Variants in EXOC4 observed in about 807,000 individuals in gnomAD.
EXOC4 encodes SEC8-like 1.
EXOC4 carries 71 observed loss-of-function variants against 107.2 expected under a neutral mutation model. The ratio of observed to expected loss-of-function variants is 0.66; its 90% CI spans 0.55 to 0.81. The LOEUF is 0.81. EXOC4 is among the 30% of genes least tolerant of loss of function. The probability of loss-of-function intolerance (pLI) is 0.00; values close to 1 mark genes in which losing one functional copy is unlikely to be tolerated. For synonymous variants in EXOC4, 456 were observed against 441.2 expected (o/e 1.03, Z -0.42); for missense variants, 1,108 against 1,189.6 (o/e 0.93, Z 1.01).
chr7:133,895,488 C>A (rs1469275028), intron 11 of EXOC4, 111 bp from the exon 12 acceptor site: 24 of 1,103,488 alleles, frequency 2.2e-5, no homozygotes, highest in Middle Eastern at 2.1e-4. Flanking sequence ...ATGTCACATT[C>A]TTGCAGGAGA....
At chr7:133,687,341 A>C (rs978559293) in intron 10 of EXOC4, among the ~76,000 whole-genome samples, 1 of 152,078 alleles carries the variant, frequency 6.6e-6, no homozygotes. Context: ...AAATCTCCCA[A>C]ATCACCATCA....
chr7:133,730,733 A>G (rs1167018014), intron 10 of EXOC4, among the ~76,000 whole-genome samples: 4 of 152,200 alleles, frequency 2.6e-5, no homozygotes, highest in African/African-American at 4.8e-5. Flanking sequence ...TATTGAAAGA[A>G]GAGTTCAAAA....
chr7:133,841,254 G>A (rs1798019428), intron 11 of EXOC4, among the ~76,000 whole-genome samples: 1 of 152,098 alleles, frequency 6.6e-6, no homozygotes, highest in Non-Finnish European at 1.5e-5. Context: ...ACCTCCCAAA[G>A]TCCCCACCTC....
chr7:133,431,773 A>G (rs529526699), intron 7 of EXOC4, among the ~76,000 whole-genome samples: 1 of 152,182 alleles, frequency 6.6e-6, no homozygotes, highest in East Asian at 1.9e-4. Flanking sequence ...TGAAGTTGAG[A>G]ATCATTGTGC....
At chr7:133,849,079 G>C (rs1798190924) in intron 11 of EXOC4, among the ~76,000 whole-genome samples, 1 of 152,112 alleles carries the variant, frequency 6.6e-6, no homozygotes, top group Admixed American at 6.6e-5. Context: ...ATGTACAGTA[G>C]CACACCATTA....
At chr7:133,979,681 G>T (rs979648611) in intron 14 of EXOC4, among the ~76,000 whole-genome samples, 1 of 151,898 alleles carries the variant, frequency 6.6e-6, no homozygotes, top group Admixed American at 6.6e-5. Flanking sequence ...CCAGCTACTC[G>T]GGAGGCTGAG....
intron 11 of EXOC4, among the ~76,000 whole-genome samples, chr7:133,818,295 T>G (rs1449998044): frequency 6.6e-6 from 1 of 152,200 alleles, no homozygotes; most frequent in African/African-American, 2.4e-5. Context: ...AAGAGTAGGA[T>G]GGGCACAGTC....
rs200838703 is a variant in EXOC4 at position 134,064,554 on chromosome 7, G to A, written c.*26G>A. On this transcript the variant is annotated 3_prime_UTR_variant, in exon 18 of 18. Transcript: ENST00000253861. The stretch of plus-strand genomic sequence containing the variant: ...CAGGGCGTACTGCGGTTGGTGACGG[G>A]GGTCCCCTCAGTCACACTCACTTTT... 24 of 1,489,660 alleles carry A rather than the reference G, an allele frequency of 1.6e-5. No homozygotes were observed. The African/African-American group carries it at 2.8e-4, about 18-fold the overall frequency. The allele number at this position is 1,489,660 out of a possible 1,614,324, so 92.3% of individuals were successfully genotyped here.
chr7:133,526,285 A>G (rs990822691), intron 9 of EXOC4, among the ~76,000 whole-genome samples: 1 of 152,190 alleles, frequency 6.6e-6, no homozygotes, highest in Non-Finnish European at 1.5e-5. Flanking sequence ...TCTTTCTAAT[A>G]TGCTCAAATG....
At chr7:133,434,681 G>A (rs1797928033) in intron 7 of EXOC4, among the ~76,000 whole-genome samples, 1 of 152,178 alleles carries the variant, frequency 6.6e-6, no homozygotes, top group Non-Finnish European at 1.5e-5. Flanking sequence ...CATTGATGTT[G>A]CTTCAAAGAT....
intron 10 of EXOC4, among the ~76,000 whole-genome samples, chr7:133,725,690 A>G (rs1231094727): frequency 6.6e-6 from 1 of 152,156 alleles, no homozygotes; most frequent in Admixed American, 6.5e-5. Context: ...TTGACATTTC[A>G]TAGGGACTCT....
chr7:133,896,050 T>C (rs781771490), intron 12 of EXOC4, among the ~76,000 whole-genome samples: 7 of 152,326 alleles, frequency 4.6e-5, no homozygotes, highest in Non-Finnish European at 7.4e-5. Context: ...GGTTAGTCTA[T>C]CTTGTGGTTA....
At chr7:133,499,494 CTA>C (rs1799538153) in intron 9 of EXOC4, among the ~76,000 whole-genome samples, 2 of 152,042 alleles carry the variant, frequency 1.3e-5, no homozygotes, top group Admixed American at 6.6e-5. Flanking sequence ...CTAAGAGAAA[CTA>C]ATGTTACTTG....
At chr7:133,831,732 G>A (rs1797815337) in intron 11 of EXOC4, among the ~76,000 whole-genome samples, 1 of 151,896 alleles carries the variant, frequency 6.6e-6, no homozygotes, top group Non-Finnish European at 1.5e-5. Flanking sequence ...AATGTTTCTT[G>A]TAACTTGAGT....
chr7:133,608,020 T>C (rs1374954260), intron 9 of EXOC4, among the ~76,000 whole-genome samples: 3 of 152,202 alleles, frequency 2.0e-5, no homozygotes, highest in South Asian at 4.1e-4. Context: ...AAAATTTTCT[T>C]TTGAAATTTT....
intron 13 of EXOC4, among the ~76,000 whole-genome samples, chr7:133,936,221 C>T (rs1800296378): frequency 6.6e-6 from 1 of 152,172 alleles, no homozygotes; most frequent in Non-Finnish European, 1.5e-5. Context: ...TTCATTGCCT[C>T]AACATCAACT....
chr7:133,900,974 A>C (rs1799439334), intron 12 of EXOC4, among the ~76,000 whole-genome samples: 1 of 152,088 alleles, frequency 6.6e-6, no homozygotes, highest in African/African-American at 2.4e-5. Flanking sequence ...GATTCACATG[A>C]TTCTCCTGCC....
chr7:133,899,332 C>T (rs7798804), intron 12 of EXOC4, among the ~76,000 whole-genome samples: 70,835 of 151,860 alleles, frequency 0.47, 17,802 homozygotes, highest in African/African-American at 0.65. Context: ...TGCAGCTTGG[C>T]ACCATATTCA....
chr7:134,043,591 T>C (rs1795575388), intron 17 of EXOC4, among the ~76,000 whole-genome samples: 1 of 151,498 alleles, frequency 6.6e-6, no homozygotes, highest in East Asian at 1.9e-4. Flanking sequence ...CCTGGTTTGG[T>C]GCATTCAGGG....
Sources: allele counts gnomAD v4.1 joint callset (sites outside exome capture counted in the v4.1 genomes callset), GRCh38; gene constraint gnomAD v4.1.1; transcripts MANE v1.5; gene names NCBI Gene and HGNC (gene_info 2026-07-23, HGNC 2026-07-21).